The following GRIN3A variants were observed in gnomAD, a reference collection of about 807,000 sequenced individuals.
GRIN3A encodes glutamate receptor ionotropic, NMDA 3A.
In GRIN3A, 47 loss-of-function variants were observed where a neutral mutation model predicts 92.4. The ratio of observed to expected loss-of-function variants is 0.51; its 90% CI spans 0.40 to 0.65. The LOEUF is 0.65. GRIN3A is among the 30% of genes least tolerant of loss of function. The pLI, the probability that GRIN3A is intolerant of heterozygous loss-of-function variation, is 0.00. For synonymous variants in GRIN3A, 527 were observed against 540.6 expected, an observed-to-expected ratio of 0.97 and a Z score of 0.35; for missense variants, 1,324 against 1,393.1, an observed-to-expected ratio of 0.95 and a Z score of 0.79.
chr9:101,662,900 T>C (rs1829189217), intron 3 of GRIN3A, among the ~76,000 whole-genome samples: 1 of 151,916 alleles, frequency 6.6e-6, no homozygotes, highest in Admixed American at 6.6e-5. Flanking sequence ...TTATGTTTTC[T>C]ATTTGGAAGT....
At chr9:101,622,048 CTCTCTT>C (rs759064085) in intron 5 of GRIN3A, among the ~76,000 whole-genome samples, 4 of 152,214 alleles carry the variant, frequency 2.6e-5, no homozygotes, top group Non-Finnish European at 4.4e-5. Context: ...TGCTAATTGC[CTCTCTT>C]TCTGAGTTCC....
intron 6 of GRIN3A, among the ~76,000 whole-genome samples, chr9:101,608,093 T>C (rs1355922586): frequency 6.6e-6 from 1 of 152,246 alleles, no homozygotes; most frequent in Non-Finnish European, 1.5e-5. Flanking sequence ...AATAGTTTCC[T>C]GTTCCATAGA....
At position 101,577,840 on chromosome 9, in the gene GRIN3A, A is replaced by C; in HGVS notation, c.2936T>G (p.Leu979Ter). The change falls in exon 8 of 9, where the codon TTA becomes TGA. Residue 979 changes from leucine to a stop codon, truncating the protein, a stop_gained. Coordinates refer to ENST00000361820, the MANE Select transcript of GRIN3A (RefSeq NM_133445.3). LOFTEE classifies it high-confidence loss of function. ...LQYWLHTSQR[L>*]HRAINTSFIE... ...AAATGATGTATTTATTGCTCTGTGT[A>C]ATCTCTGATGGAGAAAACAGATTCA... 6.2e-7 allele frequency: 1 copy of C among 1,609,720 alleles called. No individual in the cohort carries two copies. The highest frequency in any genetic ancestry group is 8.5e-7 in the Non-Finnish European group (1 of 1,177,060).
chr9:101,696,423 C>T (rs1829685095), intron 1 of GRIN3A, among the ~76,000 whole-genome samples: 1 of 152,146 alleles, frequency 6.6e-6, no homozygotes, highest in Non-Finnish European at 1.5e-5. Context: ...CTGATGCCAA[C>T]TTCTTAATCT....
Position 101,667,048 on chromosome 9 carries a change from C to T in GRIN3A, c.2352+3012G>A, listed in dbSNP as rs954295678. ...TTCTTAGCCTGACATCAAAGATCCT[C>T]TGTTATCTCAATTAAGCTTACTTTT... is the stretch of plus-strand genomic sequence containing the variant. On this transcript the variant is annotated intron_variant, in intron 3 of 8. Coordinates refer to ENST00000361820, the MANE Select transcript of GRIN3A (RefSeq NM_133445.3). Among the ~76,000 whole-genome samples the T allele has an allele frequency of 5.3e-5, 8 of 151,950 alleles. 1 individual carries two copies. In the South Asian group the frequency reaches 6.2e-4, roughly 12 times the overall value.
In GRIN3A at chr9:101,573,208, T is replaced by C; in HGVS notation, c.3314A>G (p.Glu1105Gly). 1 of 1,614,072 alleles carries C rather than the reference T, an allele frequency of 6.2e-7. No homozygotes were observed. The highest frequency in any genetic ancestry group is 8.5e-7 in the Non-Finnish European group (1 of 1,179,942). The change falls in exon 9 of 9, where the codon GAG (glutamate) becomes GGG (glycine). Residue 1105 changes from glutamate to glycine, a missense_variant. Physicochemically the swap from Glu to Gly is moderately conservative, Grantham distance 98. Coordinates refer to ENST00000361820, the MANE Select transcript of GRIN3A (RefSeq NM_133445.3). ...ACAAGTCCGACTTGTCCTTTGATAC[T>C]CCTCCAGCTCCGTTTTCCTGCTCAC... is the stretch of plus-strand genomic sequence containing the variant. ...LAVSRKTELEEYQRTSRTCES is the reference protein window; with the variant it reads ...LAVSRKTELEGYQRTSRTCES
At position 101,589,392 on chromosome 9, in the gene GRIN3A, A is replaced by G. The variant is rs142161295; in HGVS notation, c.2767-10032T>C. Reference sequence around the variant, plus strand: ...GTGATGTGTAAAATGACCCATAAAAAGGGTGAAAGCCATTCCCAATGCCAC... The same window carrying G: ...GTGATGTGTAAAATGACCCATAAAAGGGGTGAAAGCCATTCCCAATGCCAC... On this transcript the variant is annotated intron_variant, in intron 6 of 8. Transcript: ENST00000361820. Among the ~76,000 whole-genome samples, 24 of 152,354 alleles carry G rather than the reference A, an allele frequency of 1.6e-4. No individual in the cohort carries two copies. In the East Asian group the frequency reaches 3.3e-3, roughly 21 times the overall value.
At chr9:101,660,634 A>T (rs181234952) in intron 3 of GRIN3A, among the ~76,000 whole-genome samples, 2 of 151,952 alleles carry the variant, frequency 1.3e-5, no homozygotes, top group African/African-American at 4.8e-5. Context: ...ATCTTCTCAC[A>T]TGAGAAGACA....
chr9:101,721,672 G>A (rs775887119), intron 1 of GRIN3A, among the ~76,000 whole-genome samples: 2 of 152,136 alleles, frequency 1.3e-5, no homozygotes, highest in Admixed American at 6.5e-5. Flanking sequence ...CACCATGTTG[G>A]GAACTGAAGC....
chr9:101,628,521 C>A (rs1828667842), intron 3 of GRIN3A, 120 bp from the exon 4 acceptor site: 5 of 919,408 alleles, frequency 5.4e-6, no homozygotes, highest in Non-Finnish European at 8.4e-6. Context: ...CCCCCACAGG[C>A]AGAAACATGT....
intron 3 of GRIN3A, among the ~76,000 whole-genome samples, chr9:101,642,418 C>A (rs781253072): frequency 4.6e-5 from 7 of 152,056 alleles, no homozygotes; most frequent in Non-Finnish European, 7.4e-5. Context: ...TTGGTGTTGG[C>A]AATGACTTTA....
intron 3 of GRIN3A, among the ~76,000 whole-genome samples, chr9:101,656,428 G>A (rs1052933277): frequency 6.6e-6 from 1 of 151,610 alleles, no homozygotes; most frequent in African/African-American, 2.4e-5. Flanking sequence ...TTGTTAAGAG[G>A]GAATAGAACC....
At chr9:101,614,332 A>C (rs1256738482) in intron 5 of GRIN3A, among the ~76,000 whole-genome samples, 1 of 152,204 alleles carries the variant, frequency 6.6e-6, no homozygotes, top group Admixed American at 6.5e-5. Context: ...GGAACTGTTC[A>C]TAATAGCAAA....
At chr9:101,653,753 C>T (rs998454682) in intron 3 of GRIN3A, among the ~76,000 whole-genome samples, 1 of 151,738 alleles carries the variant, frequency 6.6e-6, no homozygotes, top group Non-Finnish European at 1.5e-5. Flanking sequence ...ATTTGATATT[C>T]TGAAACATAA....
chr9:101,685,763 T>G (rs1274036893), intron 2 of GRIN3A, among the ~76,000 whole-genome samples: 2 of 151,244 alleles, frequency 1.3e-5, no homozygotes, highest in Non-Finnish European at 2.9e-5. Context: ...TATATAATAC[T>G]CTTATGGAAC....
At chr9:101,574,505 G>A (rs1827802532) in intron 8 of GRIN3A, among the ~76,000 whole-genome samples, 2 of 152,174 alleles carry the variant, frequency 1.3e-5, no homozygotes, top group East Asian at 3.9e-4. Context: ...TCCCATTCAT[G>A]TAACTGAATT....
intron 2 of GRIN3A, among the ~76,000 whole-genome samples, chr9:101,685,601 C>A (rs560475177): frequency 7.9e-5 from 12 of 151,888 alleles, no homozygotes; most frequent in African/African-American, 2.7e-4. Flanking sequence ...TCACCAAAAC[C>A]ATTTCCATAT....
intron 1 of GRIN3A, among the ~76,000 whole-genome samples, chr9:101,694,410 C>T (rs964266289): frequency 1.3e-5 from 2 of 152,112 alleles, no homozygotes; most frequent in Admixed American, 6.6e-5. Flanking sequence ...AAAGGAGTGT[C>T]GGGCATAACA....
chr9:101,670,696 G>A lies in GRIN3A; in HGVS notation c.1716C>T (p.Phe572=), dbSNP rs776167297. The change falls in exon 3 of 9, where the codon TTC becomes TTT. Residue 572 remains phenylalanine, a synonymous_variant. Transcript: ENST00000361820. ...HSSNDTVPIK[F]KKCCYGYCID... ...TGCAATATCCATAGCAGCACTTCTT[G>A]AATTTAATGGGCACTGTATCATTAC... is the stretch of plus-strand genomic sequence containing the variant. 1.2e-6 allele frequency: 2 copies of A among 1,614,050 alleles called. No individual in the cohort carries two copies. The highest frequency in any genetic ancestry group is 1.7e-6 in the Non-Finnish European group (2 of 1,179,964).
Sources: gnomAD v4.1 joint callset for allele counts (sites outside exome capture counted in the v4.1 genomes callset) on GRCh38, gnomAD v4.1.1 for gene constraint, MANE v1.5 for transcripts, NCBI Gene and HGNC (gene_info 2026-07-23, HGNC 2026-07-21) for gene names.